MLLT10: variants seen among roughly 807,000 people sequenced by gnomAD.
The protein encoded by MLLT10 is MLLT10 histone lysine methyltransferase DOT1L cofactor.
MLLT10 carries 30 observed loss-of-function variants against 129.1 expected under a neutral mutation model. The observed-to-expected ratio is 0.23, with a 90% confidence interval of 0.17 to 0.32. The LOEUF is 0.32. Among genes scored for constraint, MLLT10 ranks in the 10% least tolerant of loss-of-function variants. The pLI is 1.00. For missense variants in MLLT10, 1,119 were observed against 1,268.3 expected, an observed-to-expected ratio of 0.88 and a Z score of 1.79; for synonymous variants, 490 against 446.4, an observed-to-expected ratio of 1.10 and a Z score of -1.23.
At chr10:21,710,875 A>C (rs895988965) in intron 13 of MLLT10, among the ~76,000 whole-genome samples, 3 of 152,252 alleles carry the variant, frequency 2.0e-5, no homozygotes, top group Non-Finnish European at 4.4e-5. Context: ...ACTTCCGTAC[A>C]GTAACCAAAC....
At chr10:21,740,589 C>T (rs977801131) in intron 22 of MLLT10, among the ~76,000 whole-genome samples, 2 of 152,102 alleles carry the variant, frequency 1.3e-5, no homozygotes, top group Admixed American at 6.6e-5. Context: ...TTATTTTACT[C>T]CAAAGTGCTT....
At chr10:21,596,768 A>AT (rs1230778979) in intron 5 of MLLT10, among the ~76,000 whole-genome samples, 2 of 151,562 alleles carry the variant, frequency 1.3e-5, no homozygotes, top group Non-Finnish European at 2.9e-5. Context: ...TAATATTATA[A>AT]TTTTTTTTAC....
chr10:21,646,917 G>A (rs189130005), intron 8 of MLLT10, among the ~76,000 whole-genome samples: 342 of 150,294 alleles, frequency 2.3e-3, no homozygotes, highest in African/African-American at 7.9e-3. Flanking sequence ...GTGCAGTGGC[G>A]TGATCTGGGC....
chr10:21,542,081 G>A (rs2035269777), intron 3 of MLLT10, among the ~76,000 whole-genome samples: 1 of 152,108 alleles, frequency 6.6e-6, no homozygotes, highest in Admixed American at 6.6e-5. Flanking sequence ...GCTGTTCCTG[G>A]GGGTGTCACA....
At chr10:21,543,801 C>T (rs1375081741) in intron 3 of MLLT10, among the ~76,000 whole-genome samples, 1 of 152,108 alleles carries the variant, frequency 6.6e-6, no homozygotes, top group Middle Eastern at 3.2e-3. Flanking sequence ...TTATGAAAGG[C>T]AGGGTCCTTT....
intron 3 of MLLT10, among the ~76,000 whole-genome samples, chr10:21,583,858 T>C (rs2041710462): frequency 6.6e-6 from 1 of 152,112 alleles, no homozygotes; most frequent in Admixed American, 6.6e-5. Flanking sequence ...ATCCAAACTT[T>C]ATCAATAGGC....
intron 8 of MLLT10, among the ~76,000 whole-genome samples, chr10:21,628,447 T>G (rs1239514398): frequency 2.0e-5 from 3 of 147,764 alleles, no homozygotes; most frequent in Non-Finnish European, 4.5e-5. Flanking sequence ...TTTTTTTTTT[T>G]TTTTTTGAGA....
intron 11 of MLLT10, among the ~76,000 whole-genome samples, chr10:21,679,249 G>C (rs1264700714): frequency 6.6e-6 from 1 of 152,016 alleles, no homozygotes; most frequent in Non-Finnish European, 1.5e-5. Flanking sequence ...AGGTTTTGTT[G>C]GTTTTTTGAC....
intron 14 of MLLT10, among the ~76,000 whole-genome samples, chr10:21,715,757 A>C (rs1188857693): frequency 6.6e-6 from 1 of 152,240 alleles, no homozygotes; most frequent in Non-Finnish European, 1.5e-5. Context: ...TCCACTTGAC[A>C]TGTGACTCAA....
intron 5 of MLLT10, 23 bp downstream of exon 5, chr10:21,595,463 A>G: frequency 6.4e-7 from 1 of 1,558,694 alleles, no homozygotes. Flanking sequence ...TTATTTTATT[A>G]CTGTTTGAAT....
At chr10:21,571,654 G>A (rs558343281) in intron 3 of MLLT10, among the ~76,000 whole-genome samples, 5 of 152,348 alleles carry the variant, frequency 3.3e-5, no homozygotes, top group Admixed American at 3.3e-4. Context: ...TTGACCAGAA[G>A]TGGTATCATT....
chr10:21,639,647 A>G (rs2047796357), intron 8 of MLLT10, among the ~76,000 whole-genome samples: 2 of 152,100 alleles, frequency 1.3e-5, no homozygotes, highest in South Asian at 4.2e-4. Context: ...CTGTGTAGAA[A>G]TGTGATTGGA....
chr10:21,700,478 G>C (rs182850738), intron 13 of MLLT10, among the ~76,000 whole-genome samples: 53 of 152,204 alleles, frequency 3.5e-4, no homozygotes, highest in African/African-American at 1.2e-3. Context: ...TTTTCCTGTT[G>C]AGTATAATGT....
chr10:21,713,316 AATTTCT>A (rs1213208577), intron 13 of MLLT10, among the ~76,000 whole-genome samples: 6 of 152,130 alleles, frequency 3.9e-5, no homozygotes, highest in African/African-American at 1.2e-4. Context: ...GTTCCATTTT[AATTTCT>A]ACCTTGTCGG....
chr10:21,534,156 C>T (rs943097469), upstream of MLLT10: 101 of 374,206 alleles, frequency 2.7e-4, no homozygotes, highest in Non-Finnish European at 4.3e-4. Context: ...CCGGGGGCAG[C>T]CAACAGGCCG....
At chr10:21,671,685 C>T (rs565921137) in intron 10 of MLLT10, among the ~76,000 whole-genome samples, 20 of 152,042 alleles carry the variant, frequency 1.3e-4, no homozygotes, top group African/African-American at 4.8e-4. Flanking sequence ...CTTCAGAGGC[C>T]GAGGTGGGAG....
intron 13 of MLLT10, among the ~76,000 whole-genome samples, chr10:21,689,329 C>T (rs2053592606): frequency 6.6e-6 from 1 of 151,726 alleles, no homozygotes; most frequent in South Asian, 2.1e-4. Context: ...GTACTTACAA[C>T]TTCTTTAATG....
chr10:21,569,530 C>T (rs960756850), intron 3 of MLLT10, among the ~76,000 whole-genome samples: 1 of 151,502 alleles, frequency 6.6e-6, no homozygotes. Context: ...AAGCGATTCT[C>T]CTGCCTCAGC....
chr10:21,608,971 A>T (rs1407211068), intron 5 of MLLT10, among the ~76,000 whole-genome samples: 2 of 152,072 alleles, frequency 1.3e-5, no homozygotes, highest in Non-Finnish European at 2.9e-5. Flanking sequence ...GCCCCTCTGG[A>T]TAATGATTCT....
Sources: gnomAD v4.1 joint callset for allele counts (sites outside exome capture counted in the v4.1 genomes callset) on GRCh38, gnomAD v4.1.1 for gene constraint, MANE v1.5 for transcripts, NCBI Gene and HGNC (gene_info 2026-07-23, HGNC 2026-07-21) for gene names.